The following RANBP2 variants were observed in gnomAD, a reference collection of about 807,000 sequenced individuals.
The protein encoded by RANBP2 is RAN binding protein 2, also known as E3 SUMO-protein ligase RanBP2.
Under a neutral mutation model 303.6 loss-of-function variants are expected in RANBP2, and 57 were observed. The observed-to-expected ratio is 0.19, with a 90% confidence interval of 0.15 to 0.23. RANBP2 has a LOEUF of 0.23. Ranked by LOEUF, RANBP2 falls within the 10% of genes least tolerant of loss-of-function variation. The pLI, the probability that RANBP2 is intolerant of heterozygous loss-of-function variation, is 1.00. For synonymous variants in RANBP2, 1,167 were observed against 1,301.5 expected (o/e 0.90, Z 2.23); for missense variants, 3,138 against 3,780.8 (o/e 0.83, Z 4.46).
chr2:109,029,642 C>T, the RANBP2 span, among the ~76,000 whole-genome samples: 7 of 152,180 alleles, frequency 4.6e-5, no homozygotes, highest in Admixed American at 4.6e-4. Context: ...CTGGGGAGCC[C>T]TCCCTCCTTC....
chr2:109,653,256 G>A, the RANBP2 span, among the ~76,000 whole-genome samples: 9 of 152,054 alleles, frequency 5.9e-5, no homozygotes, highest in Non-Finnish European at 1.0e-4. Flanking sequence ...TTAGCTGGCC[G>A]TGGTGGTGGG....
the RANBP2 span, among the ~76,000 whole-genome samples, chr2:109,252,912 C>A: frequency 6.6e-6 from 1 of 152,328 alleles, no homozygotes; most frequent in South Asian, 2.1e-4. Flanking sequence ...AATCCTAAGT[C>A]AGCCCATCGT....
the RANBP2 span, among the ~76,000 whole-genome samples, chr2:109,302,933 G>A: frequency 1.3e-5 from 2 of 152,148 alleles, no homozygotes; most frequent in African/African-American, 2.4e-5. Flanking sequence ...CTGGAGTGCA[G>A]TGGCATGATC....
At chr2:108,830,817 A>G in the RANBP2 span, among the ~76,000 whole-genome samples, 1 of 151,552 alleles carries the variant, frequency 6.6e-6, no homozygotes, top group Non-Finnish European at 1.5e-5. Context: ...TCAAATAAAA[A>G]ACAAAAAAAA....
chr2:109,258,338 G>A, the RANBP2 span, among the ~76,000 whole-genome samples: 1 of 152,182 alleles, frequency 6.6e-6, no homozygotes. Context: ...ATTCTAAAGA[G>A]CGAGAAACTG....
chr2:109,197,888 C>T, the RANBP2 span, among the ~76,000 whole-genome samples: 2 of 152,244 alleles, frequency 1.3e-5, no homozygotes, highest in African/African-American at 2.4e-5. Flanking sequence ...ACTGCACTTG[C>T]CTTTTGCATC....
chr2:109,405,254 C>A, the RANBP2 span, among the ~76,000 whole-genome samples: 4 of 152,216 alleles, frequency 2.6e-5, no homozygotes, highest in African/African-American at 9.6e-5. Flanking sequence ...TTTCCGCAAA[C>A]CTGCTTCCCC....
At chr2:109,198,803 C>G in the RANBP2 span, among the ~76,000 whole-genome samples, 1 of 152,242 alleles carries the variant, frequency 6.6e-6, no homozygotes, top group East Asian at 1.9e-4. Flanking sequence ...CTTTGACATA[C>G]CTAGGCTACG....
At chr2:109,037,323 CAAAAA>C in the RANBP2 span, among the ~76,000 whole-genome samples, 3 of 54,336 alleles carry the variant, frequency 5.5e-5, no homozygotes, top group Non-Finnish European at 1.2e-4. Context: ...GACCATGTCT[CAAAAA>C]AAAAAAAAAA....
At chr2:108,916,477 A>G in the RANBP2 span, among the ~76,000 whole-genome samples, 1 of 152,012 alleles carries the variant, frequency 6.6e-6, no homozygotes, top group African/African-American at 2.4e-5. Flanking sequence ...GTCCCCAAAC[A>G]ATGCCTGCAG....
At chr2:109,534,920 C>A in the RANBP2 span, among the ~76,000 whole-genome samples, 2 of 152,252 alleles carry the variant, frequency 1.3e-5, no homozygotes, top group South Asian at 4.2e-4. Flanking sequence ...CCTGAGAAGG[C>A]CCCCTCCCCT....
the RANBP2 span, among the ~76,000 whole-genome samples, chr2:109,180,246 C>T: frequency 6.6e-6 from 1 of 152,148 alleles, no homozygotes; most frequent in Admixed American, 6.5e-5. Context: ...AGGGCTTCGG[C>T]CTCCTTCCTT....
the RANBP2 span, among the ~76,000 whole-genome samples, chr2:109,124,810 T>C: frequency 6.6e-6 from 1 of 152,220 alleles, no homozygotes; most frequent in Non-Finnish European, 1.5e-5. Context: ...TAGGGTTGCC[T>C]GACTAAACCT....
chr2:109,129,810 C>G, the RANBP2 span: 19 of 1,538,186 alleles, frequency 1.2e-5, no homozygotes, highest in East Asian at 4.4e-4. Flanking sequence ...GCTCGCGCCA[C>G]GAGCTGCGCT....
At position 108,755,164 on chromosome 2, in the gene RANBP2, A is replaced by ATT; in HGVS notation, c.2383-4_2383-3dup. Reference sequence around the variant, plus strand: ...TTTTAAATGCTGTTTTGTTATTTTTATTTTTTTTTAGTATTCTCCCAAAAC... The same window carrying ATT: ...TTTTAAATGCTGTTTTGTTATTTTTATTTTTTTTTTTAGTATTCTCCCAAAAC... On this transcript the variant is annotated splice_polypyrimidine_tract_variant and intron_variant, in intron 16 of 28. Transcript: ENST00000283195. 1 of 1,609,628 alleles carries ATT rather than the reference A, an allele frequency of 6.2e-7. No homozygotes were observed. The highest frequency in any genetic ancestry group is 8.5e-7 in the Non-Finnish European group (1 of 1,178,784).
the RANBP2 span, among the ~76,000 whole-genome samples, chr2:109,654,170 C>T: frequency 6.6e-6 from 1 of 151,932 alleles, no homozygotes; most frequent in East Asian, 1.9e-4. Context: ...CATATAAATC[C>T]ATCCAAATGT....
At chr2:108,919,531 TA>T in the RANBP2 span, among the ~76,000 whole-genome samples, 1 of 152,156 alleles carries the variant, frequency 6.6e-6, no homozygotes, top group Non-Finnish European at 1.5e-5. Flanking sequence ...GCTAATTTTG[TA>T]TTTTTAGTAG....
the RANBP2 span, among the ~76,000 whole-genome samples, chr2:109,082,394 G>A: frequency 2.0e-5 from 3 of 151,934 alleles, no homozygotes; most frequent in South Asian, 2.1e-4. Context: ...TCCGCTTCCC[G>A]GGTTCACACC....
At chr2:108,836,889 A>G in the RANBP2 span, among the ~76,000 whole-genome samples, 1 of 151,388 alleles carries the variant, frequency 6.6e-6, no homozygotes, top group South Asian at 2.1e-4. Context: ...ATGGAAACAC[A>G]AGTGATTTTT....
Sources: gnomAD v4.1 joint callset for allele counts (sites outside exome capture counted in the v4.1 genomes callset) on GRCh38, gnomAD v4.1.1 for gene constraint, MANE v1.5 for transcripts, NCBI Gene and HGNC (gene_info 2026-07-23, HGNC 2026-07-21) for gene names.